HSD17B12: variants seen among roughly 807,000 people sequenced by gnomAD.
HSD17B12 encodes hydroxysteroid 17-beta dehydrogenase 12.
HSD17B12 carries 32 observed loss-of-function variants against 39.3 expected under a neutral mutation model. The observed-to-expected ratio is 0.81, with a 90% CI of 0.61 to 1.09. HSD17B12 has a LOEUF of 1.09. HSD17B12 is among the 50% of genes least tolerant of loss of function. The probability of loss-of-function intolerance (pLI) is 0.00; values close to 1 mark genes in which losing one functional copy is unlikely to be tolerated. For synonymous variants in HSD17B12, 150 were observed against 146.7 expected, an observed-to-expected ratio of 1.02 and a Z score of -0.16; for missense variants, 342 against 382.9, an observed-to-expected ratio of 0.89 and a Z score of 0.89.
chr11:43,618,310 G>C, the HSD17B12 span, among the ~76,000 whole-genome samples: 6 of 152,142 alleles, frequency 3.9e-5, no homozygotes, highest in African/African-American at 1.4e-4. Flanking sequence ...GAGATCCTGG[G>C]TTAGAATTTT....
the HSD17B12 span, among the ~76,000 whole-genome samples, chr11:43,619,170 T>TC: frequency 2.5e-5 from 2 of 79,202 alleles, no homozygotes; most frequent in African/African-American, 8.8e-5. Flanking sequence ...ATATGATATA[T>TC]ATATATATAT....
At chr11:43,839,919 A>T in intron 8 of HSD17B12, 80 bp from the exon 9 acceptor site, 1 of 1,109,138 alleles carries the variant, frequency 9.0e-7, no homozygotes, top group Non-Finnish European at 1.4e-6. Flanking sequence ...TGATTAGTTT[A>T]TTATTTTGTT....
intron 4 of HSD17B12, among the ~76,000 whole-genome samples, chr11:43,802,007 A>G (rs1165389629): frequency 1.3e-5 from 2 of 151,652 alleles, no homozygotes; most frequent in Non-Finnish European, 2.9e-5. Context: ...ATTTTTTGAG[A>G]CAGAGTCTCA....
chr11:43,711,500 G>A lies in HSD17B12; in HGVS notation c.160+30513G>A, dbSNP rs1590682288. 4.1e-5 allele frequency among the ~76,000 whole-genome samples: 6 copies of A among 147,748 alleles called. No homozygotes were observed. The South Asian group carries it at 1.3e-3, about 32-fold the overall frequency. ...TTTTTTTTTTTTTTTTTTGAGACAG[G>A]GTCTTGCTCTGTTGCCGAGGCTAGA... On this transcript the variant is annotated intron_variant, in intron 1 of 10. Transcript: ENST00000278353.
At chr11:43,607,456 C>T in the HSD17B12 span, among the ~76,000 whole-genome samples, 1 of 152,178 alleles carries the variant, frequency 6.6e-6, no homozygotes, top group African/African-American at 2.4e-5. Context: ...TGATTCAGAA[C>T]CCATGTGCTT....
chr11:43,827,706 A>G (rs1332255117), intron 6 of HSD17B12, among the ~76,000 whole-genome samples: 1 of 152,220 alleles, frequency 6.6e-6, no homozygotes, highest in Non-Finnish European at 1.5e-5. Context: ...TTTTTGCTGA[A>G]TAATCTAATC....
At chr11:43,565,210 C>T in the HSD17B12 span, among the ~76,000 whole-genome samples, 1 of 152,118 alleles carries the variant, frequency 6.6e-6, no homozygotes, top group Non-Finnish European at 1.5e-5. Flanking sequence ...AGTCTTTCTT[C>T]TTATAGTCAG....
At chr11:43,794,618 T>C (rs1268850472) in intron 3 of HSD17B12, among the ~76,000 whole-genome samples, 1 of 152,186 alleles carries the variant, frequency 6.6e-6, no homozygotes, top group Non-Finnish European at 1.5e-5. Flanking sequence ...CTTTAAACAT[T>C]CACCGGGATC....
chr11:43,700,488 C>T (rs1033316971), intron 1 of HSD17B12, among the ~76,000 whole-genome samples: 1 of 152,058 alleles, frequency 6.6e-6, no homozygotes, highest in African/African-American at 2.4e-5. Flanking sequence ...TCCCAGCCCC[C>T]CACTACCCTT....
At chr11:43,622,958 CT>C in the HSD17B12 span, among the ~76,000 whole-genome samples, 8 of 151,254 alleles carry the variant, frequency 5.3e-5, no homozygotes, top group African/African-American at 9.7e-5. Context: ...ATGATCAAAA[CT>C]TTTTTTTTAA....
At chr11:43,713,601 G>A (rs1160041882) in intron 1 of HSD17B12, among the ~76,000 whole-genome samples, 5 of 152,120 alleles carry the variant, frequency 3.3e-5, no homozygotes, top group Non-Finnish European at 5.9e-5. Flanking sequence ...GTGTGCATGT[G>A]TCTTTATAGC....
chr11:43,631,131 A>AT, the HSD17B12 span, among the ~76,000 whole-genome samples: 1 of 152,158 alleles, frequency 6.6e-6, no homozygotes, highest in South Asian at 2.1e-4. Flanking sequence ...AAAAAATGTA[A>AT]TTTTGTCTTT....
chr11:43,597,348 A>C, the HSD17B12 span, among the ~76,000 whole-genome samples: 62 of 152,320 alleles, frequency 4.1e-4, 1 homozygote, highest in East Asian at 0.011. Flanking sequence ...ATGTTGGTGA[A>C]TATATTGTGA....
At chr11:43,841,086 G>A (rs768150909) in intron 9 of HSD17B12, among the ~76,000 whole-genome samples, 1 of 152,070 alleles carries the variant, frequency 6.6e-6, no homozygotes, top group Non-Finnish European at 1.5e-5. Flanking sequence ...GGTATGAAGT[G>A]GTATCTCATT....
At chr11:43,619,230 T>TATATATATATATCATATATATATATATG in the HSD17B12 span, among the ~76,000 whole-genome samples, 1 of 18,922 alleles carries the variant, frequency 5.3e-5, no homozygotes, top group Non-Finnish European at 1.2e-4. Flanking sequence ...ATATATATGA[T>TATATATATATATCATATATATATATATG]ATATATATAT....
rs750830046 is a variant in HSD17B12 at position 43,855,251 on chromosome 11, A to C, written c.*3A>C. The C allele has an allele frequency of 8.9e-6, 14 of 1,574,934 alleles. No individual in the cohort carries two copies. The highest frequency in any genetic ancestry group is 1.2e-5 in the Non-Finnish European group (14 of 1,149,978). On this transcript the variant is annotated 3_prime_UTR_variant, in exon 11 of 11. Transcript: ENST00000278353. ...TGAAGAAAACCAAGAAGAACTAAGC[A>C]TTGATAACTGCATTGTAACTTGGCC...
At chr11:43,794,307 A>T (rs934818835) in intron 3 of HSD17B12, among the ~76,000 whole-genome samples, 2 of 152,196 alleles carry the variant, frequency 1.3e-5, no homozygotes, top group South Asian at 4.1e-4. Context: ...ACAAGATTTT[A>T]CTGTGAGATA....
chr11:43,808,222 A>G (rs928668598), intron 4 of HSD17B12, among the ~76,000 whole-genome samples: 1 of 152,090 alleles, frequency 6.6e-6, no homozygotes, highest in Non-Finnish European at 1.5e-5. Context: ...CTAGAAGGGA[A>G]CCTTCTTTGT....
chr11:43,714,742 C>A (rs1250686370), intron 1 of HSD17B12, among the ~76,000 whole-genome samples: 4 of 152,116 alleles, frequency 2.6e-5, no homozygotes, highest in African/African-American at 9.7e-5. Flanking sequence ...GATATTGATT[C>A]TTCCTATCTA....
Sources: allele counts gnomAD v4.1 joint callset (sites outside exome capture counted in the v4.1 genomes callset), GRCh38; gene constraint gnomAD v4.1.1; transcripts MANE v1.5; gene names NCBI Gene and HGNC (gene_info 2026-07-23, HGNC 2026-07-21).